Variants in NLRP6 observed in about 807,000 individuals in gnomAD.
NLRP6 encodes the protein NACHT, LRR and PYD domains-containing protein 6.
A neutral mutation model predicts 70.9 loss-of-function variants in NLRP6; 55 were observed. The observed-to-expected ratio is 0.78, with a 90% CI of 0.62 to 0.97. The LOEUF (loss-of-function observed/expected upper bound fraction) is 0.97, where lower values mean the gene tolerates loss of function less well. Among genes scored for constraint, NLRP6 ranks in the 50% least tolerant of loss-of-function variants. NLRP6 has a pLI of 0.00. For synonymous variants in NLRP6, 652 were observed against 581.9 expected, an observed-to-expected ratio of 1.12 and a Z score of -1.73; for missense variants, 1,241 against 1,238.3, an observed-to-expected ratio of 1.00 and a Z score of -0.03.
intron 1 of NLRP6, 154 bp from the exon 2 acceptor site, chr11:279,173 G>C: frequency 3.2e-6 from 2 of 620,688 alleles, no homozygotes; most frequent in Non-Finnish European, 2.3e-6. Context: ...GTCACTCCCC[G>C]TTGCCCCCTC....
At chr11:279,067 G>A in intron 1 of NLRP6, 1 of 377,440 alleles carries the variant, frequency 2.6e-6, no homozygotes. Flanking sequence ...CCAGAGCTCA[G>A]ATCAGCGGCG....
In NLRP6 at chr11:278,670, C is replaced by A; in HGVS notation, c.29+72C>A. Reference sequence around the variant, plus strand: ...CCCTCTGGGGCCTCCACCTCACCCGCTGACTTCCTCAGGCTCTCCACCCTT... The same window carrying A: ...CCCTCTGGGGCCTCCACCTCACCCGATGACTTCCTCAGGCTCTCCACCCTT... On this transcript the variant is annotated intron_variant, in intron 1 of 7. Coordinates refer to ENST00000534750, the MANE Select transcript of NLRP6 (RefSeq NM_001276700.2). The surrounding 1 kb of genome is among the most constrained non-coding windows in gnomAD (Gnocchi z 4.7). 8.0e-7 allele frequency: 1 copy of A among 1,253,864 alleles called. No individual in the cohort carries two copies. Among genetic ancestry groups the A allele is most frequent in the South Asian group, 1.4e-5 (1 of 70,648 alleles). The allele number at this position is 1,253,864 out of a possible 1,614,324, so 77.7% of individuals were successfully genotyped here. A position where few individuals can be genotyped will look rare whatever the true frequency, so the allele number is the denominator to read the frequency against.
In NLRP6 at chr11:280,523, G is replaced by A. The variant is rs767059646; in HGVS notation, c.789G>A (p.Pro263=). The A allele has an allele frequency of 1.9e-6, 3 of 1,566,268 alleles. No individual in the cohort carries two copies. The highest frequency in any genetic ancestry group is 1.8e-5 in the Admixed American group (1 of 55,864). Residue 263 remains proline (P), a synonymous_variant, in exon 4 of 8, where the codon CCG becomes CCA. Transcript: ENST00000534750. ...ILDQCPDRGA[P]VPQMLAQPQR... is the part of the protein sequence containing the mutation. ...ACCAGTGCCCCGACCGCGGCGCGCC[G>A]GTGCCGCAGATGCTGGCCCAGCCGC...
chr11:283,388 A>G (rs551344797), intron 5 of NLRP6, among the ~76,000 whole-genome samples: 2 of 139,880 alleles, frequency 1.4e-5, no homozygotes, highest in South Asian at 2.2e-4. Flanking sequence ...ATCTCAGCTC[A>G]CTGCAAGCTC....
intron 5 of NLRP6, among the ~76,000 whole-genome samples, chr11:283,559 C>T (rs545618878): frequency 2.8e-4 from 42 of 152,174 alleles, no homozygotes; most frequent in African/African-American, 7.2e-4. Flanking sequence ...GTGATCCACC[C>T]GCCTCTGCCT....
chr11:280,516 G>A lies in NLRP6; in HGVS notation c.782G>A (p.Gly261Asp), dbSNP rs1032525135. 4.5e-6 allele frequency: 7 copies of A among 1,570,120 alleles called. No individual in the cohort carries two copies. The African/African-American group carries it at 5.6e-5, about 13-fold the overall frequency. Residue 261 changes from glycine to aspartate, a missense_variant, in exon 4 of 8, where the codon GGC becomes GAC. Transcript: ENST00000534750. ...DLILDQCPDR[G>D]APVPQMLAQP... is the part of the protein sequence containing the mutation. ...ATCCTGGACCAGTGCCCCGACCGCGGCGCGCCGGTGCCGCAGATGCTGGCC... is the reference window on the plus strand; with the variant it reads ...ATCCTGGACCAGTGCCCCGACCGCGACGCGCCGGTGCCGCAGATGCTGGCC...
In NLRP6 at chr11:281,726, G is replaced by A; in HGVS notation, c.1992G>A (p.Arg664=). The A allele has an allele frequency of 5.0e-6, 8 of 1,613,198 alleles. No homozygotes were observed. The highest frequency in any genetic ancestry group is 1.1e-5 in the South Asian group (1 of 91,092). The part of the protein sequence containing the change: ...MDVAVLSYCV[R]CCPAGQALRL... ...TGGCTGTTCTGAGCTACTGCGTGAG[G>A]TGCTGCCCTGCTGGACAGGCACTGC... Residue 664 remains arginine (R), a synonymous_variant, in exon 4 of 8, where the codon AGG becomes AGA. Transcript: ENST00000534750.
In NLRP6 at chr11:284,417, G is replaced by GA; in HGVS notation, c.2369+18dup. On this transcript the variant is annotated intron_variant, in intron 6 of 7. Transcript: ENST00000534750. ...GACGGTCAGGTGAGGCCTGGCCTGG[G>GA]AGGGACCGTGGGATGCCCCCGCCAC... 6.2e-7 allele frequency: 1 copy of GA among 1,600,244 alleles called. No individual in the cohort carries two copies. The highest frequency in any genetic ancestry group is 8.5e-7 in the Non-Finnish European group (1 of 1,171,012).
rs1845459710 is a variant in NLRP6 at position 280,687 on chromosome 11, C to T, written c.953C>T (p.Pro318Leu). 1 of 1,562,850 alleles carries T rather than the reference C, an allele frequency of 6.4e-7. No homozygotes were observed. Residue 318 changes from proline (P) to leucine (L), a missense_variant, in exon 4 of 8, where the codon CCC becomes CTC. Physicochemically the swap from Pro to Leu is moderately conservative, Grantham distance 98. Transcript: ENST00000534750. ...GGGCTGCTGAGCAAGGCGCTGCTGCCCACGGCCCTCCTGCTGGTGACCACG... is the reference window on the plus strand; with the variant it reads ...GGGCTGCTGAGCAAGGCGCTGCTGCTCACGGCCCTCCTGCTGGTGACCACG... Reference protein sequence around the residue: ...LGGLLSKALLPTALLLVTTRA... With the variant: ...LGGLLSKALLLTALLLVTTRA...
At position 278,538 on chromosome 11, in the gene NLRP6, C is replaced by T. The variant is rs368660414; in HGVS notation, c.-32C>T. On this transcript the variant is annotated 5_prime_UTR_variant, in exon 1 of 8. Coordinates refer to ENST00000534750, the MANE Select transcript of NLRP6 (RefSeq NM_001276700.2). This position sits in a 1 kb window ranked among gnomAD's most constrained non-coding sequence, Gnocchi z 4.7. The stretch of plus-strand genomic sequence containing the variant: ...ACCTCTCTGATCCCCACCTCTGCCC[C>T]GGAGTGCTAGACCCAGGGAGGAAGA... 5.5e-5 allele frequency: 85 copies of T among 1,536,516 alleles called. No homozygotes were observed. The highest frequency in any genetic ancestry group is 5.2e-4 in the Middle Eastern group (3 of 5,806).
At chr11:282,563 G>A in intron 4 of NLRP6, 142 bp from the exon 5 acceptor site, 2 of 694,426 alleles carry the variant, frequency 2.9e-6, no homozygotes, top group Non-Finnish European at 5.3e-6. Context: ...GTTTGGTTGG[G>A]GGAGTGTGAA....
At chr11:282,402 G>C (rs1272999481) in intron 4 of NLRP6, among the ~76,000 whole-genome samples, 2 of 152,238 alleles carry the variant, frequency 1.3e-5, no homozygotes, top group Non-Finnish European at 2.9e-5. Context: ...CTTGGCATCT[G>C]TTGAGAGGAT....
Position 280,997 on chromosome 11 carries a change from T to G in NLRP6, c.1263T>G (p.Leu421=), listed in dbSNP as rs750636462. Residue 421 remains leucine (L), a synonymous_variant, in exon 4 of 8, where the codon CTT becomes CTG. Transcript: ENST00000534750. ...TSKTTTSVYL[L]FITSVLSSAP... is the part of the protein sequence containing the mutation. ...AGACCACCACGTCAGTGTACCTGCTTTTCATCACCAGCGTTCTGAGCTCGG... is the reference window on the plus strand; with the variant it reads ...AGACCACCACGTCAGTGTACCTGCTGTTCATCACCAGCGTTCTGAGCTCGG... The G allele has an allele frequency of 1.2e-6, 2 of 1,613,094 alleles. No homozygotes were observed.
chr11:279,515 G>T lies in NLRP6; in HGVS notation c.218G>T (p.Gly73Val), dbSNP rs1295716847. 10 of 1,458,550 alleles carry T rather than the reference G, an allele frequency of 6.9e-6. No homozygotes were observed. The Admixed American group carries it at 1.6e-4, about 23-fold the overall frequency. The allele number at this position is 1,458,550 out of a possible 1,614,324, so 90.4% of individuals were successfully genotyped here. Residue 73 changes from glycine (G) to valine (V), a missense_variant, in exon 2 of 8, where the codon GGC (glycine) becomes GTC (valine). Coordinates refer to ENST00000534750, the MANE Select transcript of NLRP6 (RefSeq NM_001276700.2). ...DLAEQLAQFY[G>V]PEPALEVARK... is the part of the protein sequence containing the mutation. The stretch of plus-strand genomic sequence containing the variant: ...GCGGAGCAGCTGGCCCAGTTCTACG[G>T]CCCGGAGCCTGCCCTGGAGGTGGCC...
At position 284,229 on chromosome 11, in the gene NLRP6, G is replaced by C. The variant is rs771181110; in HGVS notation, c.2199-1G>C. 1.2e-6 allele frequency: 2 copies of C among 1,613,152 alleles called. No individual in the cohort carries two copies. Among genetic ancestry groups the C allele is most frequent in the Admixed American group, 1.7e-5 (1 of 60,010 alleles). ...TAAATCTCTGTGCTTCTTGACCACA[G>C]GCTGTCCCACTGCAAACTCCCTGAC... is the stretch of plus-strand genomic sequence containing the variant. On this transcript the variant is annotated splice_acceptor_variant, in intron 5 of 7. Transcript: ENST00000534750. LOFTEE classifies it high-confidence loss of function.
Position 284,718 on chromosome 11 carries a change from C to T in NLRP6, c.2537+76C>T. Reference sequence around the variant, plus strand: ...GAGGGGGAGGGTGCCTGGGGGCTCCCCCTGGACCCTGAAGAGGGGCCCCTC... The same window carrying T: ...GAGGGGGAGGGTGCCTGGGGGCTCCTCCTGGACCCTGAAGAGGGGCCCCTC... On this transcript the variant is annotated intron_variant, in intron 7 of 7. Coordinates refer to ENST00000534750, the MANE Select transcript of NLRP6 (RefSeq NM_001276700.2). 7 of 1,381,364 alleles carry T rather than the reference C, an allele frequency of 5.1e-6. No individual in the cohort carries two copies. In the South Asian group the frequency reaches 9.2e-5, roughly 18 times the overall value. 85.6% of individuals were successfully genotyped at this position (1,381,364 alleles called of 1,614,324 possible).
Position 278,684 on chromosome 11 carries a change from C to A in NLRP6, c.29+86C>A. On this transcript the variant is annotated intron_variant, in intron 1 of 7. Coordinates refer to ENST00000534750, the MANE Select transcript of NLRP6 (RefSeq NM_001276700.2). The surrounding 1 kb of genome is among the most constrained non-coding windows in gnomAD (Gnocchi z 4.7). ...CACCTCACCCGCTGACTTCCTCAGG[C>A]TCTCCACCCTTGTCCACATCCTTCC... 1.9e-6 allele frequency: 2 copies of A among 1,061,744 alleles called. No homozygotes were observed. The highest frequency in any genetic ancestry group is 2.7e-6 in the Non-Finnish European group (2 of 738,454). 65.8% of individuals were successfully genotyped at this position (1,061,744 alleles called of 1,614,324 possible). A position where few individuals can be genotyped will look rare whatever the true frequency, so the allele number is the denominator to read the frequency against.
Position 281,048 on chromosome 11 carries a change from G to T in NLRP6, c.1314G>T (p.Leu438Phe). 1 of 1,613,026 alleles carries T rather than the reference G, an allele frequency of 6.2e-7. No individual in the cohort carries two copies. Among genetic ancestry groups the T allele is most frequent in the South Asian group, 1.1e-5 (1 of 91,078 alleles). ...SSAPVADGPR[L>F]QGDLRNLCRL... Reference sequence around the variant, plus strand: ...CTCCGGTAGCCGACGGGCCCCGGTTGCAGGGCGACCTGCGCAATCTGTGCC... The same window carrying T: ...CTCCGGTAGCCGACGGGCCCCGGTTTCAGGGCGACCTGCGCAATCTGTGCC... Residue 438 changes from leucine (L) to phenylalanine (F), a missense_variant, in exon 4 of 8, where the codon TTG becomes TTT. Leu to Phe is a conservative substitution (Grantham distance 22). Transcript: ENST00000534750.
chr11:281,967 GGCTTTGA>G, intron 4 of NLRP6, 128 bp downstream of exon 4: 1 of 786,758 alleles, frequency 1.3e-6, no homozygotes, highest in Non-Finnish European at 2.0e-6. Flanking sequence ...CAGATGGGGA[GGCTTTGA>G]CCACCTCCTT....
Sources: gnomAD v4.1 joint callset for allele counts (sites outside exome capture counted in the v4.1 genomes callset) on GRCh38, gnomAD v4.1.1 for gene constraint, Gnocchi (gnomAD v3.1) non-coding constraint, MANE v1.5 for transcripts, NCBI Gene and HGNC (gene_info 2026-07-23, HGNC 2026-07-21) for gene names.